Variants in DLX5 observed in about 807,000 individuals in gnomAD.
The protein encoded by DLX5 is homeobox protein DLX-5.
DLX5 carries 8 observed loss-of-function variants against 27.1 expected under a neutral mutation model. That is an observed-to-expected ratio of 0.30 (90% CI 0.17 to 0.53). DLX5 has a LOEUF of 0.53. Ranked by LOEUF, DLX5 falls within the 20% of genes least tolerant of loss-of-function variation. DLX5 has a pLI of 0.95. For synonymous variants in DLX5, 178 were observed against 161.9 expected (o/e 1.10, Z -0.75); for missense variants, 339 against 375.1 (o/e 0.90, Z 0.80).
chr7:97,023,215 G>A (rs996551099), intron 1 of DLX5, among the ~76,000 whole-genome samples: 3 of 145,072 alleles, frequency 2.1e-5, no homozygotes, highest in Non-Finnish European at 3.0e-5. Flanking sequence ...ACTGTCATGA[G>A]TATGGGTTTG....
At position 97,020,484 on chromosome 7, in the gene DLX5, A is replaced by C. The variant is rs1379677330; in HGVS notation, c.*252T>G. On this transcript the variant is annotated 3_prime_UTR_variant, in exon 3 of 3. Transcript: ENST00000648378. ...ATTTACATGGCTAAAATAACATTGA[A>C]AAAAGTCTTTTGAAAAGTTGAGGTC... The C allele has an allele frequency of 2.7e-6, 1 of 367,642 alleles. No individual in the cohort carries two copies. Among genetic ancestry groups the C allele is most frequent in the Non-Finnish European group, 4.9e-6 (1 of 205,680 alleles). The allele number at this position is 367,642 out of a possible 1,614,324, so 22.8% of individuals were successfully genotyped here. A position where few individuals can be genotyped will look rare whatever the true frequency, so the allele number is the denominator to read the frequency against.
At chr7:97,021,861 T>G (rs543540153) in intron 2 of DLX5, 324 of 573,872 alleles carry the variant, frequency 5.6e-4, no homozygotes, top group African/African-American at 5.4e-3. Context: ...ACCAGATAGC[T>G]GCTCTGGGCT....
Position 97,022,281 on chromosome 7 carries a change from C to G in DLX5, c.444G>C (p.Gln148His). Residue 148 changes from glutamine (Q) to histidine (H), a missense_variant, in exon 2 of 3, where the codon CAG (glutamine) becomes CAC (histidine). Around this residue, in one of 3 missense-constraint regions of DLX5, gnomAD observed 188 missense variants for 206.1 expected, o/e 0.91. Coordinates refer to ENST00000648378, the MANE Select transcript of DLX5 (RefSeq NM_005221.6). ...GAAACCTTCTCTGTAATGCGGCCAG[C>G]TGAAAGCTGGAATAAATAGTCCTGG... The part of the protein sequence containing the change: ...RKPRTIYSSF[Q>H]LAALQRRFQK... The G allele has an allele frequency of 2.5e-6, 4 of 1,614,266 alleles. No individual in the cohort carries two copies. Among genetic ancestry groups the G allele is most frequent in the Non-Finnish European group, 2.5e-6 (3 of 1,180,044 alleles).
At position 97,020,674 on chromosome 7, in the gene DLX5, T is replaced by C. The variant is rs541457727; in HGVS notation, c.*62A>G. On this transcript the variant is annotated 3_prime_UTR_variant, in exon 3 of 3. Coordinates refer to ENST00000648378, the MANE Select transcript of DLX5 (RefSeq NM_005221.6). ...TTCCCCATATGAATTCCTTTCTTTATGATTTTCTAGAACAGCAAAACACAG... is the reference window on the plus strand; with the variant it reads ...TTCCCCATATGAATTCCTTTCTTTACGATTTTCTAGAACAGCAAAACACAG... The C allele has an allele frequency of 4.2e-6, 6 of 1,430,694 alleles. No homozygotes were observed. In the South Asian group the frequency reaches 8.4e-5, roughly 20 times the overall value. 88.6% of individuals were successfully genotyped at this position (1,430,694 alleles called of 1,614,324 possible).
At chr7:97,022,782 C>G (rs1362052061) in intron 1 of DLX5, among the ~76,000 whole-genome samples, 1 of 152,152 alleles carries the variant, frequency 6.6e-6, no homozygotes, top group Non-Finnish European at 1.5e-5. Context: ...GGCCGTGACC[C>G]TACTTCTGTC....
intron 1 of DLX5, among the ~76,000 whole-genome samples, chr7:97,022,776 G>T (rs1790098151): frequency 6.6e-6 from 1 of 152,092 alleles, no homozygotes; most frequent in African/African-American, 2.4e-5. Context: ...GCCCTGGGCC[G>T]TGACCCTACT....
At position 97,024,641 on chromosome 7, in the gene DLX5, A is replaced by AGCG; in HGVS notation, c.-21_-19dup. 1 of 1,572,822 alleles carries AGCG rather than the reference A, an allele frequency of 6.4e-7. No individual in the cohort carries two copies. On this transcript the variant is annotated 5_prime_UTR_variant, in exon 1 of 3. Transcript: ENST00000648378. The surrounding 1 kb of genome is among the most constrained non-coding windows in gnomAD (Gnocchi z 4.6). ...CCTGTCATCGCTCACGGGCGGCGGC[A>AGCG]GCGGCTGTCCTTGCTGTTGTGGCGG...
Position 97,024,021 on chromosome 7 carries a change from C to T in DLX5, c.355+248G>A, listed in dbSNP as rs1790131538. Among the ~76,000 whole-genome samples the T allele has an allele frequency of 6.6e-6, 1 of 152,214 alleles. No individual in the cohort carries two copies. The highest frequency in any genetic ancestry group is 1.5e-5 in the Non-Finnish European group (1 of 68,042). ...GCCGGGCAAGCTGGGAATTCAGCGA[C>T]TGAAGGGCCTTGGAAGGTGCCGGAG... On this transcript the variant is annotated intron_variant, in intron 1 of 2. Coordinates refer to ENST00000648378, the MANE Select transcript of DLX5 (RefSeq NM_005221.6). The surrounding 1 kb of genome is among the most constrained non-coding windows in gnomAD (Gnocchi z 4.6).
In DLX5 at chr7:97,024,213, C is replaced by A; in HGVS notation, c.355+56G>T. Reference sequence around the variant, plus strand: ...ACCCCCAATCTACCACCCCATCTCGCGCCCCCAGCGTCCTAGTCGCCCTGT... The same window carrying A: ...ACCCCCAATCTACCACCCCATCTCGAGCCCCCAGCGTCCTAGTCGCCCTGT... On this transcript the variant is annotated intron_variant, in intron 1 of 2. Transcript: ENST00000648378. This position sits in a 1 kb window ranked among gnomAD's most constrained non-coding sequence, Gnocchi z 4.6. 1 of 1,521,226 alleles carries A rather than the reference C, an allele frequency of 6.6e-7. No individual in the cohort carries two copies. The allele number at this position is 1,521,226 out of a possible 1,614,324, so 94.2% of individuals were successfully genotyped here.
At position 97,024,358 on chromosome 7, in the gene DLX5, G is replaced by T. The variant is rs141521941; in HGVS notation, c.266C>A (p.Ala89Asp). 7.4e-5 allele frequency: 119 copies of T among 1,614,122 alleles called. No homozygotes were observed. Among genetic ancestry groups the T allele is most frequent in the Non-Finnish European group, 9.5e-5 (112 of 1,180,054 alleles). Residue 89 changes from alanine (A) to aspartate (D), a missense_variant, in exon 1 of 3, where the codon GCC becomes GAC. Ala to Asp is a moderately radical substitution (Grantham distance 126). Transcript: ENST00000648378. The surrounding 1 kb of genome is among the most constrained non-coding windows in gnomAD (Gnocchi z 4.6). ...GVNGSAGSYP[A>D]KAYADYSYAS... Reference sequence around the variant, plus strand: ...GTAGCTATAGTCGGCATAAGCTTTGGCTGGGTAGCTCCCGGCGGAGCCGTT... The same window carrying T: ...GTAGCTATAGTCGGCATAAGCTTTGTCTGGGTAGCTCCCGGCGGAGCCGTT...
At chr7:97,022,017 G>C (rs1030480709) in intron 2 of DLX5, 168 bp downstream of exon 2, 1 of 758,790 alleles carries the variant, frequency 1.3e-6, no homozygotes, top group East Asian at 2.7e-5. Context: ...CATCCCCACC[G>C]TCTCAAGGCC....
chr7:97,021,707 G>A (rs749892211), intron 2 of DLX5, among the ~76,000 whole-genome samples: 3 of 152,116 alleles, frequency 2.0e-5, no homozygotes, highest in Non-Finnish European at 2.9e-5. Flanking sequence ...TTCGGTGGCC[G>A]TGGCCTGAAG....
In DLX5 at chr7:97,020,996, C is replaced by T. The variant is rs1406598149; in HGVS notation, c.610G>A (p.Glu204Lys). The T allele has an allele frequency of 6.2e-7, 1 of 1,613,692 alleles. No individual in the cohort carries two copies. Among genetic ancestry groups the T allele is most frequent in the Non-Finnish European group, 8.5e-7 (1 of 1,179,968 alleles). ...GGGTCGCTGGAGCTGGGACTGTGCTCCGGGGGCATCTCCCCGTTTTTCATG... is the reference window on the plus strand; with the variant it reads ...GGGTCGCTGGAGCTGGGACTGTGCTTCGGGGGCATCTCCCCGTTTTTCATG... ...KIMKNGEMPP[E>K]HSPSSSDPMA... is the part of the protein sequence containing the mutation. Residue 204 changes from glutamate to lysine, a missense_variant, in exon 3 of 3, where the codon GAG becomes AAG. By Grantham distance (56) the Glu-to-Lys change is moderately conservative. Coordinates refer to ENST00000648378, the MANE Select transcript of DLX5 (RefSeq NM_005221.6).
intron 2 of DLX5, 162 bp downstream of exon 2, chr7:97,022,023 A>G: frequency 1.3e-6 from 1 of 799,114 alleles, no homozygotes; most frequent in Non-Finnish European, 2.0e-6. Flanking sequence ...CACCGTCTCA[A>G]GGCCTGACTC....
chr7:97,020,854 C>T lies in DLX5; in HGVS notation c.752G>A (p.Ser251Asn), dbSNP rs376879283. 8.1e-6 allele frequency: 13 copies of T among 1,614,048 alleles called. No individual in the cohort carries two copies. The highest frequency in any genetic ancestry group is 1.1e-5 in the Non-Finnish European group (13 of 1,180,044). The change falls in exon 3 of 3, where the codon AGC becomes AAC. Residue 251 changes from serine to asparagine, a missense_variant. Ser to Asn is a conservative substitution (Grantham distance 46). Coordinates refer to ENST00000648378, the MANE Select transcript of DLX5 (RefSeq NM_005221.6). ...PPTSNQSPAS[S>N]YLENSASWYT... ...CCAGGATGCAGAGTTCTCCAGGTAGCTGGACGCTGGGGACTGGTTGGAGGT... is the reference window on the plus strand; with the variant it reads ...CCAGGATGCAGAGTTCTCCAGGTAGTTGGACGCTGGGGACTGGTTGGAGGT...
chr7:97,022,533 C>G (rs573756955), intron 1 of DLX5, 164 bp from the exon 2 acceptor site: 4 of 985,354 alleles, frequency 4.1e-6, no homozygotes, highest in East Asian at 1.1e-4. Context: ...ATGCACCTAC[C>G]CCAAATATGG....
chr7:97,023,337 G>GGTT (rs1018626390), intron 1 of DLX5, among the ~76,000 whole-genome samples: 1 of 145,404 alleles, frequency 6.9e-6, no homozygotes, highest in African/African-American at 2.6e-5. Context: ...ACCTCTCCAG[G>GGTT]GTGTGTGTGT....
Position 97,020,700 on chromosome 7 carries a change from T to C in DLX5, c.*36A>G. 1 of 1,500,298 alleles carries C rather than the reference T, an allele frequency of 6.7e-7. No homozygotes were observed. The highest frequency in any genetic ancestry group is 8.9e-7 in the Non-Finnish European group (1 of 1,119,514). The allele number at this position is 1,500,298 out of a possible 1,614,324, so 92.9% of individuals were successfully genotyped here. A position where few individuals can be genotyped will look rare whatever the true frequency, so the allele number is the denominator to read the frequency against. On this transcript the variant is annotated 3_prime_UTR_variant, in exon 3 of 3. Coordinates refer to ENST00000648378, the MANE Select transcript of DLX5 (RefSeq NM_005221.6). ...GATTTTCTAGAACAGCAAAACACAG[T>C]AGTCCCAAAAAAGAGAGTAAGAGAG...
At position 97,020,973 on chromosome 7, in the gene DLX5, G is replaced by A. The variant is rs1409917018; in HGVS notation, c.633C>T (p.Asp211=). ...MPPEHSPSSS[D]PMACNSPQSP... Reference sequence around the variant, plus strand: ...ACTGCGGCGAGTTACACGCCATTGGGTCGCTGGAGCTGGGACTGTGCTCCG... The same window carrying A: ...ACTGCGGCGAGTTACACGCCATTGGATCGCTGGAGCTGGGACTGTGCTCCG... Residue 211 remains aspartate, a synonymous_variant, in exon 3 of 3, where the codon GAC becomes GAT. Coordinates refer to ENST00000648378, the MANE Select transcript of DLX5 (RefSeq NM_005221.6). 1 of 1,613,912 alleles carries A rather than the reference G, an allele frequency of 6.2e-7. No homozygotes were observed. The highest frequency in any genetic ancestry group is 8.5e-7 in the Non-Finnish European group (1 of 1,180,050).
Sources: allele counts gnomAD v4.1 joint callset (sites outside exome capture counted in the v4.1 genomes callset), GRCh38; gene constraint gnomAD v4.1.1; regional missense constraint gnomAD v4.1.1; non-coding constraint Gnocchi (gnomAD v3.1); transcripts MANE v1.5; gene names NCBI Gene and HGNC (gene_info 2026-07-23, HGNC 2026-07-21).